COPG2: variants seen among roughly 807,000 people sequenced by gnomAD.
COPG2 encodes the protein coat protein complex I subunit gamma 2, also known as coatomer subunit gamma-2.
COPG2 carries 37 observed loss-of-function variants against 46.3 expected under a neutral mutation model. The ratio of observed to expected loss-of-function variants is 0.80; its 90% CI spans 0.61 to 1.05. The LOEUF (loss-of-function observed/expected upper bound fraction) is 1.05, where lower values mean the gene tolerates loss of function less well. Ranked by LOEUF, COPG2 falls within the 50% of genes least tolerant of loss-of-function variation. COPG2 has a pLI of 0.00. For missense variants in COPG2, 427 were observed against 387.8 expected, an observed-to-expected ratio of 1.10 and a Z score of -0.85; for synonymous variants, 159 against 129.7, an observed-to-expected ratio of 1.23 and a Z score of -1.53.
intron 9 of COPG2, chr7:130,605,863 C>T (rs1451228942): frequency 2.2e-6 from 1 of 463,206 alleles, no homozygotes; most frequent in African/African-American, 2.0e-5. Flanking sequence ...TAAGCCATTA[C>T]ATTTAATGGT....
chr7:130,589,361 T>G (rs569290960), intron 9 of COPG2, among the ~76,000 whole-genome samples: 1 of 151,860 alleles, frequency 6.6e-6, no homozygotes, highest in East Asian at 1.9e-4. Flanking sequence ...TGATCACAGC[T>G]CAATGCAACC....
At chr7:130,545,922 T>C (rs2116378151) in intron 20 of COPG2, among the ~76,000 whole-genome samples, 1 of 152,350 alleles carries the variant, frequency 6.6e-6, no homozygotes. Flanking sequence ...TTGTTTTGTG[T>C]ATTTTGGTAT....
chr7:130,613,709 TA>T (rs1554452507), intron 6 of COPG2, 73 bp from the exon 7 acceptor site: 1 of 996,300 alleles, frequency 1.0e-6, no homozygotes, highest in African/African-American at 1.6e-5. Context: ...TGCTTCAAAA[TA>T]ATTTTCAAAA....
chr7:130,646,334 T>C (rs1247590452), intron 5 of COPG2, among the ~76,000 whole-genome samples: 4 of 152,210 alleles, frequency 2.6e-5, no homozygotes, highest in Non-Finnish European at 5.9e-5. Flanking sequence ...ATACAACTTA[T>C]CCATTTGTAA....
chr7:130,591,810 C>A (rs1554449021), intron 9 of COPG2, among the ~76,000 whole-genome samples: 2 of 150,904 alleles, frequency 1.3e-5, no homozygotes, highest in African/African-American at 4.9e-5. Context: ...CCAGCCGCCC[C>A]ATCCGGGAGG....
chr7:130,646,973 ATATATATATGTATATATATATATG>A (rs1795613967), intron 5 of COPG2, among the ~76,000 whole-genome samples: 3 of 88,466 alleles, frequency 3.4e-5, no homozygotes, highest in African/African-American at 1.2e-4. Context: ...ATATATGTGT[ATATATATATGTATATATATATATG>A]TGTATATATA....
intron 5 of COPG2, among the ~76,000 whole-genome samples, chr7:130,633,648 A>G (rs1374093681): frequency 1.3e-5 from 2 of 151,950 alleles, no homozygotes; most frequent in Admixed American, 6.6e-5. Flanking sequence ...GACTGCAAAA[A>G]TTTTCTCCCA....
chr7:130,662,697 C>CT (rs1796001750), intron 4 of COPG2, among the ~76,000 whole-genome samples: 2 of 152,204 alleles, frequency 1.3e-5, no homozygotes, highest in Non-Finnish European at 2.9e-5. Flanking sequence ...GCACTGACTT[C>CT]TTTATCAGTC....
intron 9 of COPG2, among the ~76,000 whole-genome samples, chr7:130,584,249 A>T (rs1297518099): frequency 1.3e-5 from 2 of 152,068 alleles, no homozygotes; most frequent in Non-Finnish European, 2.9e-5. Flanking sequence ...AGCATTTGAC[A>T]AAATCCAGCA....
chr7:130,583,173 AATG>A (rs1287552214), intron 9 of COPG2, among the ~76,000 whole-genome samples: 121 of 151,756 alleles, frequency 8.0e-4, no homozygotes, highest in Middle Eastern at 3.4e-3. Context: ...AGCCATAAAA[AATG>A]ATGAGTTCAT....
At chr7:130,612,886 A>C (rs1794878647) in intron 7 of COPG2, among the ~76,000 whole-genome samples, 1 of 152,164 alleles carries the variant, frequency 6.6e-6, no homozygotes, top group South Asian at 2.1e-4. Context: ...AGAAGTCATA[A>C]AGGCAGGTCA....
At chr7:130,509,778 T>G (rs781831595) in intron 20 of COPG2, 2 of 515,288 alleles carry the variant, frequency 3.9e-6, no homozygotes, top group Non-Finnish European at 7.8e-6. Flanking sequence ...ATCTATGACT[T>G]TACAACTCAA....
intron 5 of COPG2, among the ~76,000 whole-genome samples, chr7:130,629,785 T>C (rs1222630406): frequency 1.3e-5 from 2 of 152,276 alleles, no homozygotes; most frequent in South Asian, 2.1e-4. Flanking sequence ...TGTGTCAGTT[T>C]AGGCATTTTT....
At chr7:130,624,896 TATA>T (rs1403177827) in intron 5 of COPG2, among the ~76,000 whole-genome samples, 3 of 152,252 alleles carry the variant, frequency 2.0e-5, no homozygotes, top group African/African-American at 7.2e-5. Flanking sequence ...GTCTTTTTCA[TATA>T]ATGACTTCTT....
chr7:130,636,718 T>C (rs1795346141), intron 5 of COPG2, among the ~76,000 whole-genome samples: 1 of 152,158 alleles, frequency 6.6e-6, no homozygotes, highest in South Asian at 2.1e-4. Context: ...TTTAGCCAGT[T>C]TACATTTAAG....
chr7:130,616,639 A>G (rs1405265811), intron 6 of COPG2, among the ~76,000 whole-genome samples: 2 of 152,164 alleles, frequency 1.3e-5, no homozygotes, highest in Non-Finnish European at 2.9e-5. Context: ...AAGCTGCCCA[A>G]TTTCTTGCCC....
At chr7:130,538,287 A>G (rs1799903887) in intron 20 of COPG2, among the ~76,000 whole-genome samples, 2 of 152,120 alleles carry the variant, frequency 1.3e-5, no homozygotes, top group African/African-American at 2.4e-5. Context: ...TGGAGCAGCC[A>G]CATGGAGGTG....
Position 130,591,579 on chromosome 7 carries a change from C to A in COPG2, c.737+19374G>T, listed in dbSNP as rs537014430. ...GTGAGGAGCCCCTCTGCCCGGCCAG[C>A]CGCCCCGTCCGGGAAGGAGGTGGGG... On this transcript the variant is annotated intron_variant, in intron 9 of 23. Transcript: ENST00000425248. Among the ~76,000 whole-genome samples, 631 of 138,974 alleles carry A rather than the reference C, an allele frequency of 4.5e-3. 11 individuals carry two copies. Among genetic ancestry groups the A allele is most frequent in the Admixed American group, 0.042 (596 of 14,132 alleles). 91.2% of individuals were successfully genotyped at this position (138,974 alleles called of 152,430 possible). A position where few individuals can be genotyped will look rare whatever the true frequency, so the allele number is the denominator to read the frequency against.
At chr7:130,602,781 T>TC (rs1584569493) in intron 9 of COPG2, 2 of 151,894 alleles carry the variant, frequency 1.3e-5, no homozygotes, top group East Asian at 1.9e-4. Context: ...CCAACCACTT[T>TC]CCTTTTTTTT....
Sources: gnomAD v4.1 joint callset for allele counts (sites outside exome capture counted in the v4.1 genomes callset) on GRCh38, gnomAD v4.1.1 for gene constraint, MANE v1.5 for transcripts, NCBI Gene and HGNC (gene_info 2026-07-23, HGNC 2026-07-21) for gene names.